Variants in CPS1 observed in about 807,000 individuals in gnomAD.
CPS1 encodes the protein carbamoyl-phosphate synthase 1.
In CPS1, 109 loss-of-function variants were observed where a neutral mutation model predicts 174.6. The observed-to-expected ratio is 0.62, with a 90% confidence interval of 0.53 to 0.73. CPS1 has a LOEUF of 0.73. Among genes scored for constraint, CPS1 ranks in the 30% least tolerant of loss-of-function variants. CPS1 has a pLI of 0.00. For missense variants in CPS1, 1,689 were observed against 1,821.9 expected (o/e 0.93, Z 1.33); for synonymous variants, 637 against 632.0 (o/e 1.01, Z -0.12).
chr2:210,644,739 C>T (rs548751264), intron 25 of CPS1, among the ~76,000 whole-genome samples: 1 of 152,102 alleles, frequency 6.6e-6, no homozygotes, highest in Non-Finnish European at 1.5e-5. Context: ...AAGATGTTCT[C>T]AAATAAGCTT....
chr2:210,660,589 T>C lies in CPS1; in HGVS notation c.3861T>C (p.Asn1287=). ...DVATKVMIGE[N]VDEKHLPTLD... is the part of the protein sequence containing the mutation. The stretch of plus-strand genomic sequence containing the variant: ...CCACCAAGGTGATGATTGGAGAGAA[T>C]GTTGATGAGAAACATCTTCCAACAT... The change falls in exon 32 of 38, where the codon AAT becomes AAC. Residue 1287 remains asparagine (N), a synonymous_variant. Transcript: ENST00000233072. 6.2e-7 allele frequency: 1 copy of C among 1,614,156 alleles called. No individual in the cohort carries two copies. The highest frequency in any genetic ancestry group is 8.5e-7 in the Non-Finnish European group (1 of 1,179,992).
chr2:210,509,535 A>T (rs1052150688), intron 1 of CPS1, among the ~76,000 whole-genome samples: 1 of 152,208 alleles, frequency 6.6e-6, no homozygotes, highest in Non-Finnish European at 1.5e-5. Flanking sequence ...GGCCAGGGCA[A>T]TCAGGCAGGA....
chr2:210,673,073 A>G (rs915995843), intron 34 of CPS1: 1 of 152,212 alleles, frequency 6.6e-6, no homozygotes, highest in African/African-American at 2.4e-5. Context: ...AAATAAGATC[A>G]TTTGATTTTT....
Position 210,677,936 on chromosome 2 carries a change from C to T in CPS1, c.4454C>T (p.Ser1485Phe). 6.2e-7 allele frequency: 1 copy of T among 1,614,070 alleles called. No individual in the cohort carries two copies. Among genetic ancestry groups the T allele is most frequent in the East Asian group, 2.2e-5 (1 of 44,868 alleles). The change falls in exon 38 of 38, where the codon TCC becomes TTC. Residue 1485 changes from serine to phenylalanine, a missense_variant. Coordinates refer to ENST00000233072, the MANE Select transcript of CPS1 (RefSeq NM_001875.5). ...GTGCAGAAATCTCGCAAGGTGGACT[C>T]CAAGAGTCTTTTCCACTACAGGCAG... is the stretch of plus-strand genomic sequence containing the variant. ...EAVQKSRKVD[S>F]KSLFHYRQYS...
chr2:210,477,838 A>G, intron 1 of CPS1: 1 of 1,525,404 alleles, frequency 6.6e-7, no homozygotes, highest in Non-Finnish European at 9.1e-7. Context: ...CAAGAGAGAA[A>G]AGGAAAACGA....
At chr2:210,633,345 A>G (rs543015195) in intron 21 of CPS1, among the ~76,000 whole-genome samples, 17 of 151,876 alleles carry the variant, frequency 1.1e-4, no homozygotes, top group African/African-American at 4.1e-4. Flanking sequence ...TTATCAATCA[A>G]CCTTTTTCTT....
At chr2:210,559,648 T>G (rs1250322889) in intron 1 of CPS1, among the ~76,000 whole-genome samples, 1 of 152,164 alleles carries the variant, frequency 6.6e-6, no homozygotes, top group Non-Finnish European at 1.5e-5. Flanking sequence ...CAGCACTCAT[T>G]ATTACATTCA....
At chr2:210,676,077 G>A (rs929858382) in intron 36 of CPS1, among the ~76,000 whole-genome samples, 10 of 152,292 alleles carry the variant, frequency 6.6e-5, no homozygotes, top group South Asian at 2.1e-4. Context: ...TTTCCTTGAC[G>A]GAAACAAGTG....
intron 21 of CPS1, among the ~76,000 whole-genome samples, chr2:210,616,889 T>C (rs1057078066): frequency 2.6e-5 from 4 of 152,016 alleles, no homozygotes; most frequent in Non-Finnish European, 4.4e-5. Flanking sequence ...ATCAATTAAA[T>C]GAATATTTGT....
At chr2:210,626,142 A>G (rs1699691788) in intron 21 of CPS1, among the ~76,000 whole-genome samples, 1 of 152,170 alleles carries the variant, frequency 6.6e-6, no homozygotes, top group African/African-American at 2.4e-5. Context: ...GTATGAATGC[A>G]GAATAGAGTT....
At chr2:210,590,998 G>C in intron 9 of CPS1, 92 bp downstream of exon 9, 2 of 774,194 alleles carry the variant, frequency 2.6e-6, no homozygotes, top group Non-Finnish European at 4.4e-6. Flanking sequence ...CATTTCTTTA[G>C]AGTAAATAAA....
At chr2:210,594,446 G>A (rs1472433949) in intron 11 of CPS1, 62 bp from the exon 12 acceptor site, 150 of 1,128,198 alleles carry the variant, frequency 1.3e-4, no homozygotes, top group Non-Finnish European at 5.3e-6. Context: ...GGTATATTGT[G>A]TTTTATCTGG....
At chr2:210,667,045 C>T (rs1449269503) in intron 33 of CPS1, among the ~76,000 whole-genome samples, 2 of 152,166 alleles carry the variant, frequency 1.3e-5, no homozygotes, top group Non-Finnish European at 2.9e-5. Context: ...TCCTTCATGT[C>T]CCTTGTAAGT....
intron 1 of CPS1, among the ~76,000 whole-genome samples, chr2:210,517,358 G>A (rs532771813): frequency 9.9e-5 from 15 of 152,090 alleles, no homozygotes; most frequent in African/African-American, 2.6e-4. Flanking sequence ...TCCACGGCGT[G>A]CTCATGACTT....
At chr2:210,554,842 C>CACACAG (rs930816830), upstream of CPS1, among the ~76,000 whole-genome samples, 1 of 150,772 alleles carries the variant, frequency 6.6e-6, no homozygotes, top group African/African-American at 2.4e-5. Flanking sequence ...TCACTACACA[C>CACACAG]ACACACACAC....
At chr2:210,496,828 G>T (rs554754435) in intron 1 of CPS1, among the ~76,000 whole-genome samples, 1 of 152,110 alleles carries the variant, frequency 6.6e-6, no homozygotes, top group African/African-American at 2.4e-5. Flanking sequence ...CATCCTTCCT[G>T]GTCACCCTAT....
At chr2:210,549,005 G>C (rs377152331) in intron 1 of CPS1, among the ~76,000 whole-genome samples, 1 of 152,056 alleles carries the variant, frequency 6.6e-6, no homozygotes, top group Admixed American at 6.6e-5. Context: ...GGGTGGAGTA[G>C]GAATGTGCGT....
At chr2:210,644,911 G>A (rs184013404) in intron 25 of CPS1, among the ~76,000 whole-genome samples, 23 of 148,930 alleles carry the variant, frequency 1.5e-4, no homozygotes, top group Admixed American at 4.6e-4. Flanking sequence ...AATTTTGGGA[G>A]CTTAATGGAA....
Position 210,590,886 on chromosome 2 carries a change from C to T in CPS1, c.927C>T (p.Tyr309=), listed in dbSNP as rs1553511083. ...GATTGGCTGCTGGTGCCAAAACCTA[C>T]AAGATGTCCATGGCCAACAGGTGAG... ...ITGLAAGAKT[Y]KMSMANRGQN... is the part of the protein sequence containing the mutation. The change falls in exon 9 of 38, where the codon TAC becomes TAT. Residue 309 remains tyrosine (Y), a synonymous_variant. Coordinates refer to ENST00000233072, the MANE Select transcript of CPS1 (RefSeq NM_001875.5). The T allele has an allele frequency of 6.2e-7, 1 of 1,611,208 alleles. No individual in the cohort carries two copies.
Sources: allele counts gnomAD v4.1 joint callset (sites outside exome capture counted in the v4.1 genomes callset), GRCh38; gene constraint gnomAD v4.1.1; transcripts MANE v1.5; gene names NCBI Gene and HGNC (gene_info 2026-07-23, HGNC 2026-07-21).